KCNT2: variants seen among roughly 807,000 people sequenced by gnomAD.
KCNT2 encodes the protein potassium channel subfamily T member 2.
KCNT2 carries 67 observed loss-of-function variants against 153.8 expected under a neutral mutation model. The observed-to-expected ratio is 0.44, with a 90% CI of 0.36 to 0.53. The LOEUF (loss-of-function observed/expected upper bound fraction) is 0.53. Among genes scored for constraint, KCNT2 ranks in the 20% least tolerant of loss-of-function variants. The pLI, the probability that KCNT2 is intolerant of heterozygous loss-of-function variation, is 0.00. For synonymous variants in KCNT2, 500 were observed against 458.8 expected (o/e 1.09, Z -1.15); for missense variants, 975 against 1,354.8 (o/e 0.72, Z 4.40).
intron 6 of KCNT2, 52 bp from the exon 7 acceptor site, chr1:196,467,838 A>G (rs1557974158): frequency 1.0e-6 from 1 of 971,114 alleles, no homozygotes; most frequent in Non-Finnish European, 1.6e-6. Flanking sequence ...GCAATAAACC[A>G]TACCCAGTAT....
intron 1 of KCNT2, among the ~76,000 whole-genome samples, chr1:196,573,217 T>C (rs1378682811): frequency 1.3e-5 from 2 of 152,038 alleles, no homozygotes; most frequent in East Asian, 3.9e-4. Context: ...AAGGATAAAA[T>C]AAAAGCATAC....
chr1:196,370,246 G>A (rs1668406599), intron 14 of KCNT2, among the ~76,000 whole-genome samples: 1 of 151,968 alleles, frequency 6.6e-6, no homozygotes, highest in Non-Finnish European at 1.5e-5. Context: ...ACATACCACT[G>A]CCAAGAGCAC....
chr1:196,570,944 A>G (rs1558090942), intron 1 of KCNT2, among the ~76,000 whole-genome samples: 1 of 152,172 alleles, frequency 6.6e-6, no homozygotes, highest in Non-Finnish European at 1.5e-5. Flanking sequence ...CAAGTAAGTT[A>G]CATGAACAGA....
At chr1:196,497,390 C>A (rs1450157757) in intron 1 of KCNT2, among the ~76,000 whole-genome samples, 1 of 151,790 alleles carries the variant, frequency 6.6e-6, no homozygotes, top group African/African-American at 2.4e-5. Context: ...ATCTGTTTTT[C>A]TTGTCATTAT....
At chr1:196,599,486 A>G (rs1664469882) in intron 1 of KCNT2, among the ~76,000 whole-genome samples, 2 of 152,214 alleles carry the variant, frequency 1.3e-5, no homozygotes, top group South Asian at 4.1e-4. Context: ...ATATTTACAT[A>G]CTGTGAAAAT....
chr1:196,600,907 T>C (rs1443474327), intron 1 of KCNT2, among the ~76,000 whole-genome samples: 1 of 152,214 alleles, frequency 6.6e-6, no homozygotes, highest in Non-Finnish European at 1.5e-5. Flanking sequence ...ACTTGTATCC[T>C]ACCATCTACA....
intron 1 of KCNT2, among the ~76,000 whole-genome samples, chr1:196,576,070 T>G (rs1558096367): frequency 1.1e-4 from 2 of 18,258 alleles, no homozygotes; most frequent in Admixed American, 1.4e-3. Context: ...GTGTGTTAGG[T>G]TTTATATATA....
At chr1:196,513,511 T>A (rs972533725) in intron 1 of KCNT2, among the ~76,000 whole-genome samples, 2 of 152,228 alleles carry the variant, frequency 1.3e-5, no homozygotes, top group Admixed American at 6.5e-5. Context: ...CTTTATTTCC[T>A]CAACCAGACT....
chr1:196,269,970 T>C (rs887766524), intron 25 of KCNT2, among the ~76,000 whole-genome samples: 1 of 152,142 alleles, frequency 6.6e-6, no homozygotes, highest in Non-Finnish European at 1.5e-5. Flanking sequence ...TTCTCATGTT[T>C]CTCCATCATA....
chr1:196,459,094 T>C (rs1409044187), intron 8 of KCNT2, among the ~76,000 whole-genome samples: 3 of 151,694 alleles, frequency 2.0e-5, no homozygotes, highest in Non-Finnish European at 1.5e-5. Context: ...GTTGGGATTC[T>C]ACATTTTCTA....
intron 1 of KCNT2, among the ~76,000 whole-genome samples, chr1:196,598,767 T>C (rs1049961958): frequency 2.0e-5 from 3 of 152,126 alleles, no homozygotes; most frequent in Non-Finnish European, 4.4e-5. Context: ...ATTTGTAAAA[T>C]GGGAAAAATA....
intron 8 of KCNT2, among the ~76,000 whole-genome samples, chr1:196,449,962 G>A (rs1168060009): frequency 1.3e-5 from 2 of 151,770 alleles, no homozygotes; most frequent in Non-Finnish European, 2.9e-5. Context: ...CTCTGACGTT[G>A]ACTATGGTTT....
chr1:196,511,731 G>A (rs1426969313), intron 1 of KCNT2, among the ~76,000 whole-genome samples: 6 of 152,070 alleles, frequency 3.9e-5, no homozygotes, highest in East Asian at 1.9e-4. Context: ...CTGTGCATAC[G>A]GGTCCCTGAC....
At chr1:196,338,459 T>C (rs1232698873) in intron 16 of KCNT2, among the ~76,000 whole-genome samples, 1 of 152,020 alleles carries the variant, frequency 6.6e-6, no homozygotes, top group Non-Finnish European at 1.5e-5. Flanking sequence ...AATAATTACA[T>C]CAGGACAATT....
At chr1:196,233,336 A>G (rs1287805579) in intron 27 of KCNT2, among the ~76,000 whole-genome samples, 1 of 151,428 alleles carries the variant, frequency 6.6e-6, no homozygotes, top group Non-Finnish European at 1.5e-5. Context: ...GTTCTATCTT[A>G]GGTGCATTTT....
At chr1:196,235,034 G>T (rs1558052306) in intron 27 of KCNT2, among the ~76,000 whole-genome samples, 1 of 151,346 alleles carries the variant, frequency 6.6e-6, no homozygotes, top group Non-Finnish European at 1.5e-5. Context: ...TTACATACTT[G>T]CTCATATATG....
chr1:196,411,492 A>G (rs994316555), intron 12 of KCNT2, among the ~76,000 whole-genome samples: 4 of 149,552 alleles, frequency 2.7e-5, no homozygotes, highest in African/African-American at 9.8e-5. Context: ...TTCTGATGGA[A>G]ATAGTGAACA....
At chr1:196,493,528 T>C (rs1362074095) in intron 1 of KCNT2, among the ~76,000 whole-genome samples, 1 of 152,164 alleles carries the variant, frequency 6.6e-6, no homozygotes. Context: ...AGCAGTTTAT[T>C]GTGTCACAAA....
At chr1:196,348,847 G>A (rs1403015211) in intron 14 of KCNT2, among the ~76,000 whole-genome samples, 1 of 151,884 alleles carries the variant, frequency 6.6e-6, no homozygotes, top group Non-Finnish European at 1.5e-5. Flanking sequence ...CCAACATGGA[G>A]AAACCCTGTC....
Sources: allele counts gnomAD v4.1 joint callset (sites outside exome capture counted in the v4.1 genomes callset), GRCh38; gene constraint gnomAD v4.1.1; transcripts MANE v1.5; gene names NCBI Gene and HGNC (gene_info 2026-07-23, HGNC 2026-07-21).